The following VAV3 variants were observed in gnomAD, a reference collection of about 807,000 sequenced individuals.
The protein encoded by VAV3 is vav guanine nucleotide exchange factor 3.
Under a neutral mutation model 131.2 loss-of-function variants are expected in VAV3, and 94 were observed. That is an observed-to-expected ratio of 0.72 (90% CI 0.61 to 0.85). The LOEUF is 0.85. Ranked by LOEUF, VAV3 falls within the 40% of genes least tolerant of loss-of-function variation. VAV3 has a pLI of 0.00. For synonymous variants in VAV3, 349 were observed against 342.0 expected (o/e 1.02, Z -0.22); for missense variants, 939 against 1,002.7 (o/e 0.94, Z 0.86).
intron 2 of VAV3, among the ~76,000 whole-genome samples, chr1:107,782,228 T>C (rs1665728847): frequency 6.6e-6 from 1 of 152,174 alleles, no homozygotes; most frequent in South Asian, 2.1e-4. Flanking sequence ...AGCAATGCAT[T>C]TTACTCCTTG....
intron 2 of VAV3, among the ~76,000 whole-genome samples, chr1:107,789,066 A>G (rs1666157105): frequency 6.6e-6 from 1 of 152,196 alleles, no homozygotes; most frequent in Non-Finnish European, 1.5e-5. Flanking sequence ...ACTCCCTTTG[A>G]ATGGACATGC....
chr1:107,897,944 T>C (rs1367647373), intron 1 of VAV3, among the ~76,000 whole-genome samples: 1 of 152,108 alleles, frequency 6.6e-6, no homozygotes, highest in African/African-American at 2.4e-5. Flanking sequence ...GTGTGCCACA[T>C]CTTAAAAGAT....
chr1:107,786,134 G>A (rs755186783), intron 2 of VAV3, among the ~76,000 whole-genome samples: 2 of 152,268 alleles, frequency 1.3e-5, no homozygotes, highest in Non-Finnish European at 2.9e-5. Context: ...TTCTATGTCA[G>A]GAAGACTGTA....
At chr1:107,843,730 A>T (rs1043533178) in intron 2 of VAV3, among the ~76,000 whole-genome samples, 4 of 152,064 alleles carry the variant, frequency 2.6e-5, no homozygotes, top group Admixed American at 2.0e-4. Context: ...CCATGGGGTT[A>T]TTCCAGACTG....
At chr1:107,629,064 A>G (rs933642752) in intron 20 of VAV3, among the ~76,000 whole-genome samples, 2 of 152,202 alleles carry the variant, frequency 1.3e-5, no homozygotes, top group African/African-American at 4.8e-5. Context: ...TCTACTGCTT[A>G]TAATTGCCTT....
chr1:107,823,559 G>A (rs1422455333), intron 2 of VAV3, among the ~76,000 whole-genome samples: 1 of 152,136 alleles, frequency 6.6e-6, no homozygotes, highest in Non-Finnish European at 1.5e-5. Flanking sequence ...TAGAGATCAA[G>A]CAGTGGAAGA....
At chr1:107,964,532 T>A in intron 1 of VAV3, 134 bp downstream of exon 1, 1 of 959,686 alleles carries the variant, frequency 1.0e-6, no homozygotes, top group South Asian at 1.8e-5. Context: ...GGTGCCGAAG[T>A]GGTCCCAAAG....
chr1:107,580,200 T>C (rs561767994), intron 25 of VAV3, among the ~76,000 whole-genome samples: 173 of 152,366 alleles, frequency 1.1e-3, no homozygotes, highest in Non-Finnish European at 2.1e-3. Context: ...CTGAAGCTGC[T>C]GAATGGACAA....
At chr1:107,945,587 G>A (rs1257666417) in intron 1 of VAV3, among the ~76,000 whole-genome samples, 1 of 152,090 alleles carries the variant, frequency 6.6e-6, no homozygotes, top group Non-Finnish European at 1.5e-5. Flanking sequence ...ACTTTGAGAG[G>A]TTGAGACGAG....
chr1:107,700,396 G>C (rs551348321), intron 17 of VAV3, among the ~76,000 whole-genome samples: 2 of 152,112 alleles, frequency 1.3e-5, no homozygotes, highest in South Asian at 2.1e-4. Flanking sequence ...ACCTATCAAC[G>C]CATCACCTAA....
intron 15 of VAV3, among the ~76,000 whole-genome samples, chr1:107,743,428 T>A (rs1161934408): frequency 1.3e-5 from 2 of 152,168 alleles, no homozygotes; most frequent in South Asian, 4.1e-4. Flanking sequence ...ACTCTGTATG[T>A]TGATCCTTAA....
chr1:107,919,970 T>C (rs907862938), intron 1 of VAV3, among the ~76,000 whole-genome samples: 2 of 152,190 alleles, frequency 1.3e-5, no homozygotes, highest in Non-Finnish European at 2.9e-5. Flanking sequence ...TCTTACAAAA[T>C]AATTCCTTGA....
chr1:107,622,868 A>T (rs1199457577), intron 20 of VAV3, among the ~76,000 whole-genome samples: 1 of 152,220 alleles, frequency 6.6e-6, no homozygotes, highest in African/African-American at 2.4e-5. Context: ...CACTGTATAC[A>T]CAAATTAGTT....
chr1:107,573,337 A>T lies in VAV3; in HGVS notation c.2538T>A (p.Asp846Glu), dbSNP rs1313191438. 3 of 1,614,174 alleles carry T rather than the reference A, an allele frequency of 1.9e-6. No individual in the cohort carries two copies. The highest frequency in any genetic ancestry group is 2.5e-6 in the Non-Finnish European group (3 of 1,180,030). The change falls in exon 27 of 27, where the codon GAT becomes GAA. Residue 846 changes from aspartate to glutamate, a missense_variant. Coordinates refer to ENST00000370056, the MANE Select transcript of VAV3 (RefSeq NM_006113.5). Reference protein sequence around the residue: ...GWFPSTYVEEDE With the variant: ...GWFPSTYVEEEE Reference sequence around the variant, plus strand: ...TGCAACACGGGATTTGAATTTATTCATCCTCTTCCACATATGTGGATGGAA... The same window carrying T: ...TGCAACACGGGATTTGAATTTATTCTTCCTCTTCCACATATGTGGATGGAA...
intron 12 of VAV3, among the ~76,000 whole-genome samples, chr1:107,751,489 A>T (rs1269095581): frequency 6.6e-6 from 1 of 152,160 alleles, no homozygotes; most frequent in Non-Finnish European, 1.5e-5. Flanking sequence ...AAGGGTCCAA[A>T]TTACGAGACG....
chr1:107,631,039 A>G (rs372243932), intron 20 of VAV3, among the ~76,000 whole-genome samples: 5 of 152,316 alleles, frequency 3.3e-5, no homozygotes, highest in African/African-American at 9.6e-5. Flanking sequence ...AGAGAAGACT[A>G]TATCAAGTTC....
At chr1:107,634,791 C>A (rs1463342669) in intron 20 of VAV3, among the ~76,000 whole-genome samples, 3 of 151,812 alleles carry the variant, frequency 2.0e-5, no homozygotes, top group East Asian at 3.8e-4. Flanking sequence ...AAACAAACAA[C>A]CCCATGAAAA....
At position 107,707,161 on chromosome 1, in the gene VAV3, A is replaced by G. The variant is rs115335824; in HGVS notation, c.1503-2100T>C. Reference sequence around the variant, plus strand: ...TAAAGTGGTAGGTAAAAGAGTAGAAAGAAACTATTAGAATTATTTGAAAAC... The same window carrying G: ...TAAAGTGGTAGGTAAAAGAGTAGAAGGAAACTATTAGAATTATTTGAAAAC... On this transcript the variant is annotated intron_variant, in intron 15 of 26. Transcript: ENST00000370056. Among the ~76,000 whole-genome samples the G allele has an allele frequency of 1.8e-3, 273 of 152,354 alleles. 1 individual carries two copies. Among genetic ancestry groups the G allele is most frequent in the African/African-American group, 6.3e-3 (263 of 41,576 alleles).
chr1:107,825,060 C>A (rs1667952905), intron 2 of VAV3, among the ~76,000 whole-genome samples: 1 of 152,146 alleles, frequency 6.6e-6, no homozygotes, highest in South Asian at 2.1e-4. Context: ...TTTATTGGAA[C>A]AAAGCCATGC....
Sources: gnomAD v4.1 joint callset for allele counts (sites outside exome capture counted in the v4.1 genomes callset) on GRCh38, gnomAD v4.1.1 for gene constraint, MANE v1.5 for transcripts, NCBI Gene and HGNC (gene_info 2026-07-23, HGNC 2026-07-21) for gene names.